FSTL5: variants seen among roughly 807,000 people sequenced by gnomAD.
The protein encoded by FSTL5 is follistatin-related protein 5.
Under a neutral mutation model 89.1 loss-of-function variants are expected in FSTL5, and 62 were observed. The observed-to-expected ratio is 0.70, with a 90% CI of 0.57 to 0.86. The LOEUF is 0.86. Among genes scored for constraint, FSTL5 ranks in the 40% least tolerant of loss-of-function variants. FSTL5 has a pLI of 0.00. For missense variants in FSTL5, 1,057 were observed against 1,001.6 expected, an observed-to-expected ratio of 1.06 and a Z score of -0.75; for synonymous variants, 383 against 346.2, an observed-to-expected ratio of 1.11 and a Z score of -1.18.
At chr4:161,801,774 G>A (rs1486690940) in intron 4 of FSTL5, among the ~76,000 whole-genome samples, 2 of 151,326 alleles carry the variant, frequency 1.3e-5, no homozygotes, top group Non-Finnish European at 3.0e-5. Flanking sequence ...CTACATAGTA[G>A]GCATTCTATC....
At chr4:161,853,260 T>G (rs542932527) in intron 4 of FSTL5, among the ~76,000 whole-genome samples, 1 of 152,036 alleles carries the variant, frequency 6.6e-6, no homozygotes, top group Admixed American at 6.6e-5. Context: ...AAGTGACTTG[T>G]TTGTTGTTGT....
At chr4:161,694,165 C>T (rs779404961) in intron 6 of FSTL5, among the ~76,000 whole-genome samples, 31 of 152,080 alleles carry the variant, frequency 2.0e-4, no homozygotes, top group Non-Finnish European at 3.8e-4. Flanking sequence ...TGCTTTTCTA[C>T]TTGCTTAAGG....
chr4:161,400,938 G>C (rs953857868), intron 15 of FSTL5, among the ~76,000 whole-genome samples: 2 of 151,960 alleles, frequency 1.3e-5, no homozygotes, highest in Non-Finnish European at 2.9e-5. Flanking sequence ...TTCCAACCCA[G>C]CATTAACTAA....
intron 1 of FSTL5, among the ~76,000 whole-genome samples, chr4:162,128,477 G>A (rs1357356692): frequency 1.3e-5 from 2 of 152,188 alleles, no homozygotes; most frequent in Non-Finnish European, 2.9e-5. Flanking sequence ...TCCACCATGT[G>A]AGTACATAGG....
At chr4:162,066,414 T>A (rs563240213) in intron 2 of FSTL5, among the ~76,000 whole-genome samples, 1 of 146,028 alleles carries the variant, frequency 6.8e-6, no homozygotes, top group Admixed American at 7.0e-5. Context: ...TTTCAGTTTT[T>A]CACCTTTTTT....
At chr4:162,070,275 A>C (rs2111307034) in intron 2 of FSTL5, among the ~76,000 whole-genome samples, 1 of 151,998 alleles carries the variant, frequency 6.6e-6, no homozygotes, top group South Asian at 2.1e-4. Flanking sequence ...ATTTGTTATT[A>C]GACAAACCCT....
chr4:161,778,215 T>C (rs146601039), intron 4 of FSTL5, among the ~76,000 whole-genome samples: 158 of 152,346 alleles, frequency 1.0e-3, no homozygotes, highest in African/African-American at 3.3e-3. Flanking sequence ...ATGAGGTCTT[T>C]ATAAATGGCA....
chr4:161,876,234 A>G (rs1732436844), intron 4 of FSTL5, among the ~76,000 whole-genome samples: 1 of 152,236 alleles, frequency 6.6e-6, no homozygotes, highest in African/African-American at 2.4e-5. Flanking sequence ...GACATTTTTT[A>G]GGAAACCTTT....
At chr4:161,682,893 T>C (rs4389531) in intron 6 of FSTL5, among the ~76,000 whole-genome samples, 82,047 of 151,604 alleles carry the variant, frequency 0.54, 25,787 homozygotes, top group East Asian at 0.71. Flanking sequence ...ATTACAGGCA[T>C]GCACCACCAC....
chr4:161,621,262 A>G (rs1360118415), intron 7 of FSTL5, among the ~76,000 whole-genome samples: 2 of 122,126 alleles, frequency 1.6e-5, no homozygotes, highest in African/African-American at 6.2e-5. Context: ...TGGGGATGTA[A>G]AGACTACACA....
At chr4:161,779,821 A>ATGTATATATATATATATATG (rs1267702879) in intron 4 of FSTL5, among the ~76,000 whole-genome samples, 3 of 63,362 alleles carry the variant, frequency 4.7e-5, no homozygotes, top group South Asian at 5.1e-4. Flanking sequence ...GTATATATAT[A>ATGTATATATATATATATATG]TATATATATA....
chr4:161,429,340 T>C (rs1732274591), intron 15 of FSTL5, among the ~76,000 whole-genome samples: 1 of 152,140 alleles, frequency 6.6e-6, no homozygotes, highest in Admixed American at 6.5e-5. Context: ...CACCTGCTGA[T>C]TGTAGAGCCC....
intron 15 of FSTL5, among the ~76,000 whole-genome samples, chr4:161,417,850 T>TGGTGTTA (rs1224085745): frequency 6.6e-6 from 1 of 152,222 alleles, no homozygotes; most frequent in Admixed American, 6.5e-5. Context: ...ACCATGTACT[T>TGGTGTTA]GGTGTTAGGA....
chr4:161,952,945 G>T (rs1734937176), intron 3 of FSTL5, among the ~76,000 whole-genome samples: 1 of 151,572 alleles, frequency 6.6e-6, no homozygotes, highest in Admixed American at 6.6e-5. Flanking sequence ...GGTGTGTAGA[G>T]AACTAAGCAT....
chr4:162,044,835 C>T (rs1191578634), intron 2 of FSTL5, among the ~76,000 whole-genome samples: 1 of 152,120 alleles, frequency 6.6e-6, no homozygotes, highest in African/African-American at 2.4e-5. Flanking sequence ...TGACAGCTTC[C>T]AACTTTTCTT....
intron 11 of FSTL5, among the ~76,000 whole-genome samples, chr4:161,505,356 A>G (rs760954953): frequency 6.6e-6 from 1 of 152,308 alleles, no homozygotes; most frequent in Admixed American, 6.5e-5. Context: ...ATTAAGTTCA[A>G]CTAGAACAAG....
intron 3 of FSTL5, among the ~76,000 whole-genome samples, chr4:162,008,838 T>C (rs915920670): frequency 2.0e-5 from 3 of 151,972 alleles, no homozygotes; most frequent in African/African-American, 7.2e-5. Context: ...GAAGAGCAAT[T>C]TGCTTTATGG....
intron 4 of FSTL5, among the ~76,000 whole-genome samples, chr4:161,853,644 T>A (rs1427968760): frequency 6.6e-6 from 1 of 152,202 alleles, no homozygotes; most frequent in Non-Finnish European, 1.5e-5. Flanking sequence ...GATACATGTT[T>A]GCTTCTGCTA....
chr4:162,071,762 G>T (rs1354087948), intron 2 of FSTL5, among the ~76,000 whole-genome samples: 1 of 151,572 alleles, frequency 6.6e-6, no homozygotes, highest in Non-Finnish European at 1.5e-5. Context: ...AAGTTTCAAC[G>T]CATTTTAAAA....
Sources: allele counts gnomAD v4.1 joint callset (sites outside exome capture counted in the v4.1 genomes callset), GRCh38; gene constraint gnomAD v4.1.1; transcripts MANE v1.5; gene names NCBI Gene and HGNC (gene_info 2026-07-23, HGNC 2026-07-21).